Variants in ATRNL1 observed in about 807,000 individuals in gnomAD.
ATRNL1 encodes the protein attractin like 1.
Under a neutral mutation model 182.7 loss-of-function variants are expected in ATRNL1, and 95 were observed. The ratio of observed to expected loss-of-function variants is 0.52; its 90% CI spans 0.44 to 0.62. The LOEUF is 0.62. ATRNL1 is among the 20% of genes least tolerant of loss of function. The pLI, the probability that ATRNL1 is intolerant of heterozygous loss-of-function variation, is 0.00. For synonymous variants in ATRNL1, 576 were observed against 568.3 expected, an observed-to-expected ratio of 1.01 and a Z score of -0.19; for missense variants, 1,471 against 1,679.5, an observed-to-expected ratio of 0.88 and a Z score of 2.17.
At chr10:115,542,289 C>T (rs782351049) in intron 25 of ATRNL1, among the ~76,000 whole-genome samples, 3 of 151,760 alleles carry the variant, frequency 2.0e-5, no homozygotes, top group South Asian at 4.2e-4. Flanking sequence ...GTTACAGAAC[C>T]GTGGCAGGGA....
At chr10:115,160,294 C>T (rs782513490) in intron 6 of ATRNL1, 80 bp downstream of exon 6, 287 of 1,355,260 alleles carry the variant, frequency 2.1e-4, no homozygotes, top group Admixed American at 1.2e-3. Context: ...AATTGTTGTC[C>T]GAGAGTAAAA....
At chr10:115,822,430 A>G (rs1555090708) in intron 27 of ATRNL1, among the ~76,000 whole-genome samples, 1 of 152,224 alleles carries the variant, frequency 6.6e-6, no homozygotes, top group African/African-American at 2.4e-5. Context: ...AACTAAGATC[A>G]GAGCAGAACT....
At position 115,535,260 on chromosome 10, in the gene ATRNL1, G is replaced by T. The variant is rs868962326; in HGVS notation, c.3717-14198G>T. Among the ~76,000 whole-genome samples, 551 of 151,628 alleles carry T rather than the reference G, an allele frequency of 3.6e-3. 2 individuals carry two copies. The highest frequency in any genetic ancestry group is 0.014 in the Middle Eastern group (4 of 292). Reference sequence around the variant, plus strand: ...TCAGGTACACCGATCAGACGTAGATGTGGTCTTTTCACATAATCCCATATT... The same window carrying T: ...TCAGGTACACCGATCAGACGTAGATTTGGTCTTTTCACATAATCCCATATT... On this transcript the variant is annotated intron_variant, in intron 25 of 28. Transcript: ENST00000355044.
intron 15 of ATRNL1, among the ~76,000 whole-genome samples, chr10:115,288,827 G>T (rs1211567089): frequency 6.6e-6 from 1 of 152,028 alleles, no homozygotes; most frequent in Non-Finnish European, 1.5e-5. Flanking sequence ...CGGCCTGTAT[G>T]TCTTCTTTTG....
At chr10:115,297,714 A>G (rs1853273475) in intron 15 of ATRNL1, among the ~76,000 whole-genome samples, 1 of 151,382 alleles carries the variant, frequency 6.6e-6, no homozygotes. Context: ...TCTCACTACC[A>G]CTTATGCAGA....
intron 26 of ATRNL1, among the ~76,000 whole-genome samples, chr10:115,662,685 A>T (rs1555038412): frequency 6.6e-6 from 1 of 152,180 alleles, no homozygotes; most frequent in Non-Finnish European, 1.5e-5. Flanking sequence ...ATTTCAAAAT[A>T]CATTTTAAAA....
In ATRNL1 at chr10:115,330,368, T is replaced by C. The variant is rs539673904; in HGVS notation, c.3038-3914T>C. ...TTGTTTAGATACTTATTTTTACCTG[T>C]CAGTTTTATAGTTTTGAACTTTTTT... On this transcript the variant is annotated intron_variant, in intron 18 of 28. Coordinates refer to ENST00000355044, the MANE Select transcript of ATRNL1 (RefSeq NM_207303.4). 2.2e-3 allele frequency among the ~76,000 whole-genome samples: 333 copies of C among 152,282 alleles called. 5 individuals are homozygous for C. The highest frequency in any genetic ancestry group is 7.7e-3 in the African/African-American group (318 of 41,566).
chr10:115,726,408 T>C (rs959706003), intron 26 of ATRNL1, among the ~76,000 whole-genome samples: 1 of 152,248 alleles, frequency 6.6e-6, no homozygotes, highest in Admixed American at 6.5e-5. Flanking sequence ...AATAATTTTA[T>C]TAGCTGTATA....
intron 28 of ATRNL1, among the ~76,000 whole-genome samples, chr10:115,939,713 G>C (rs2134618327): frequency 6.6e-6 from 1 of 152,244 alleles, no homozygotes. Context: ...GTGACGTCTT[G>C]AAAAATGATC....
At chr10:115,139,113 C>A (rs1193132452) in intron 5 of ATRNL1, among the ~76,000 whole-genome samples, 1 of 152,202 alleles carries the variant, frequency 6.6e-6, no homozygotes, top group East Asian at 1.9e-4. Flanking sequence ...CTCCTCATCT[C>A]CATCTGAGAC....
chr10:115,173,903 G>GT (rs58406261), intron 8 of ATRNL1, among the ~76,000 whole-genome samples: 2,622 of 140,340 alleles, frequency 0.019, 38 homozygotes, highest in African/African-American at 0.047. Flanking sequence ...TGTGATTCCT[G>GT]TTTTTTTTTT....
chr10:115,531,129 T>C (rs1554988133), intron 25 of ATRNL1, among the ~76,000 whole-genome samples: 1 of 151,316 alleles, frequency 6.6e-6, no homozygotes, highest in Admixed American at 6.6e-5. Context: ...TTATAGTCCT[T>C]TGGGTATATA....
chr10:115,239,540 T>G (rs1554902346), intron 9 of ATRNL1, among the ~76,000 whole-genome samples: 1 of 152,100 alleles, frequency 6.6e-6, no homozygotes, highest in Non-Finnish European at 1.5e-5. Context: ...CGGGGCTGTA[T>G]TTTTTCTTAG....
chr10:115,677,273 A>T (rs1945894025), intron 26 of ATRNL1, among the ~76,000 whole-genome samples: 2 of 152,118 alleles, frequency 1.3e-5, no homozygotes, highest in Non-Finnish European at 1.5e-5. Context: ...TAGAGGTAGC[A>T]TACATAAGCT....
intron 28 of ATRNL1, among the ~76,000 whole-genome samples, chr10:115,930,672 T>A (rs1010259325): frequency 2.6e-5 from 4 of 152,226 alleles, no homozygotes; most frequent in Admixed American, 1.3e-4. Context: ...TAACATTTTT[T>A]AAAATCTCGT....
intron 8 of ATRNL1, among the ~76,000 whole-genome samples, chr10:115,181,115 C>T (rs1482533573): frequency 6.6e-6 from 1 of 151,754 alleles, no homozygotes; most frequent in African/African-American, 2.4e-5. Flanking sequence ...GGGAACACTT[C>T]AGGTAAAAGA....
At chr10:115,192,165 C>T (rs1458485019) in intron 8 of ATRNL1, among the ~76,000 whole-genome samples, 1 of 151,994 alleles carries the variant, frequency 6.6e-6, no homozygotes, top group African/African-American at 2.4e-5. Context: ...CTCAAGAAAT[C>T]TGCCCAGACC....
chr10:115,879,312 A>AAAAAAAAAG (rs781983949), intron 28 of ATRNL1, among the ~76,000 whole-genome samples: 20 of 150,880 alleles, frequency 1.3e-4, no homozygotes, highest in Admixed American at 9.9e-4. Context: ...TCTCAAAAAA[A>AAAAAAAAAG]AAAGAAAGAA....
chr10:115,783,632 C>T (rs1949323059), intron 27 of ATRNL1, among the ~76,000 whole-genome samples: 1 of 152,096 alleles, frequency 6.6e-6, no homozygotes, highest in African/African-American at 2.4e-5. Flanking sequence ...CATTTAAGCT[C>T]ATAGAATAGT....
Sources: allele counts gnomAD v4.1 joint callset (sites outside exome capture counted in the v4.1 genomes callset), GRCh38; gene constraint gnomAD v4.1.1; transcripts MANE v1.5; gene names NCBI Gene and HGNC (gene_info 2026-07-23, HGNC 2026-07-21).